The following BBS9 variants were observed in gnomAD, a reference collection of about 807,000 sequenced individuals.
BBS9 encodes protein PTHB1.
Under a neutral mutation model 117.7 loss-of-function variants are expected in BBS9, and 89 were observed. The observed-to-expected ratio is 0.76, with a 90% confidence interval of 0.64 to 0.90. The LOEUF is 0.90. BBS9 is among the 40% of genes least tolerant of loss of function. BBS9 has a pLI of 0.00. For synonymous variants in BBS9, 379 were observed against 370.9 expected (o/e 1.02, Z -0.25); for missense variants, 982 against 1,042.2 (o/e 0.94, Z 0.80).
At chr7:33,293,696 A>G (rs962472894) in intron 9 of BBS9, among the ~76,000 whole-genome samples, 5 of 152,154 alleles carry the variant, frequency 3.3e-5, no homozygotes, top group African/African-American at 1.2e-4. Flanking sequence ...TTTAGTCAAT[A>G]TATAGAACCT....
rs1039084987 is a variant in BBS9, at chr7:33,593,592, C to T, written c.2522-11273C>T. 2.6e-5 allele frequency among the ~76,000 whole-genome samples: 4 copies of T among 152,090 alleles called. 1 individual carries two copies. Among genetic ancestry groups the T allele is most frequent in the African/African-American group, 9.7e-5 (4 of 41,430 alleles). On this transcript the variant is annotated intron_variant, in intron 21 of 22. Coordinates refer to ENST00000242067, the MANE Select transcript of BBS9 (RefSeq NM_198428.3). Reference sequence around the variant, plus strand: ...GTTCCTGAGCAGTAATTTTACAGTACCTTCTCACCATATCAGAAGAATTTG... The same window carrying T: ...GTTCCTGAGCAGTAATTTTACAGTATCTTCTCACCATATCAGAAGAATTTG...
intron 21 of BBS9, among the ~76,000 whole-genome samples, chr7:33,539,497 G>T (rs1851940673): frequency 6.6e-6 from 1 of 152,206 alleles, no homozygotes; most frequent in Non-Finnish European, 1.5e-5. Context: ...AAAAGAAAGA[G>T]TGTGTAACAT....
At chr7:33,134,140 T>C (rs1790067239) in intron 1 of BBS9, among the ~76,000 whole-genome samples, 1 of 151,938 alleles carries the variant, frequency 6.6e-6, no homozygotes, top group Non-Finnish European at 1.5e-5. Context: ...AACCCCTGCC[T>C]CCAGGTTCAA....
chr7:33,484,849 T>G (rs1386149275), intron 19 of BBS9, among the ~76,000 whole-genome samples: 1 of 152,168 alleles, frequency 6.6e-6, no homozygotes, highest in Non-Finnish European at 1.5e-5. Flanking sequence ...CATACATATA[T>G]TCATTGCAGC....
chr7:33,531,897 A>G (rs1462230998), intron 20 of BBS9, among the ~76,000 whole-genome samples: 1 of 152,252 alleles, frequency 6.6e-6, no homozygotes, highest in East Asian at 1.9e-4. Context: ...CCACGAGACT[A>G]GACATAAAGA....
chr7:33,584,944 T>C (rs1000208237), intron 21 of BBS9, among the ~76,000 whole-genome samples: 1 of 152,144 alleles, frequency 6.6e-6, no homozygotes, highest in African/African-American at 2.4e-5. Flanking sequence ...GTAATTAAAT[T>C]TTATCCTCTA....
chr7:33,249,034 T>A (rs1044574365), intron 5 of BBS9, among the ~76,000 whole-genome samples: 1 of 152,310 alleles, frequency 6.6e-6, no homozygotes, highest in South Asian at 2.1e-4. Context: ...TGTAGCATGC[T>A]GAGTAATGGT....
intron 9 of BBS9, among the ~76,000 whole-genome samples, chr7:33,308,352 G>T (rs1197324496): frequency 1.3e-5 from 2 of 152,186 alleles, no homozygotes; most frequent in East Asian, 3.8e-4. Context: ...CCCAAAGGGT[G>T]TGAAAGCAAA....
At chr7:33,363,496 AT>A (rs1167377269) in intron 16 of BBS9, among the ~76,000 whole-genome samples, 9 of 152,034 alleles carry the variant, frequency 5.9e-5, no homozygotes, top group Non-Finnish European at 1.3e-4. Context: ...AATCAGTCAG[AT>A]TTTCTACATA....
chr7:33,515,716 A>G (rs1332799742), intron 20 of BBS9, among the ~76,000 whole-genome samples: 3 of 152,226 alleles, frequency 2.0e-5, no homozygotes, highest in Admixed American at 1.3e-4. Context: ...TGACCTTGAC[A>G]TAGGTTAGTG....
At chr7:33,174,107 G>C (rs549553629) in intron 4 of BBS9, among the ~76,000 whole-genome samples, 5 of 152,124 alleles carry the variant, frequency 3.3e-5, no homozygotes, top group African/African-American at 1.2e-4. Flanking sequence ...CCTAGACCCA[G>C]TCCAGTTTCT....
chr7:33,294,666 A>G (rs1339987657), intron 9 of BBS9, among the ~76,000 whole-genome samples: 2 of 152,148 alleles, frequency 1.3e-5, no homozygotes, highest in Non-Finnish European at 1.5e-5. Flanking sequence ...AGAAGCTTTT[A>G]TGCAATCATA....
Position 33,264,392 on chromosome 7 carries a change from T to C in BBS9, c.702+18T>C, listed in dbSNP as rs1294147244. 2 of 1,476,900 alleles carry C rather than the reference T, an allele frequency of 1.4e-6. No homozygotes were observed. Among genetic ancestry groups the C allele is most frequent in the Admixed American group, 3.5e-5 (2 of 57,442 alleles). 91.5% of individuals were successfully genotyped at this position (1,476,900 alleles called of 1,614,324 possible). A position where few individuals can be genotyped will look rare whatever the true frequency, so the allele number is the denominator to read the frequency against. On this transcript the variant is annotated intron_variant, in intron 7 of 22. Transcript: ENST00000242067. The stretch of plus-strand genomic sequence containing the variant: ...GACTAGTTGTAAGGCCTTTTTTTAA[T>C]ATATAAAAATTTCAATAATGCTATA...
intron 19 of BBS9, among the ~76,000 whole-genome samples, chr7:33,473,629 T>A (rs776608615): frequency 1.3e-5 from 2 of 152,204 alleles, no homozygotes; most frequent in African/African-American, 2.4e-5. Flanking sequence ...TCAGCCAACA[T>A]TTTAATAAAT....
chr7:33,435,853 T>C (rs1463826563), intron 19 of BBS9, among the ~76,000 whole-genome samples: 1 of 152,186 alleles, frequency 6.6e-6, no homozygotes, highest in Admixed American at 6.5e-5. Context: ...GTGAAAACTT[T>C]TGTGTTCATT....
At chr7:33,182,930 A>G (rs911479248) in intron 5 of BBS9, among the ~76,000 whole-genome samples, 1 of 152,108 alleles carries the variant, frequency 6.6e-6, no homozygotes, top group East Asian at 1.9e-4. Context: ...CCCATTTCCC[A>G]TGGGAGTCTT....
At chr7:33,311,692 C>T (rs906338454) in intron 9 of BBS9, among the ~76,000 whole-genome samples, 13 of 152,128 alleles carry the variant, frequency 8.5e-5, no homozygotes, top group Non-Finnish European at 4.4e-5. Flanking sequence ...TGGCATGTGC[C>T]TGTAATCCCA....
intron 20 of BBS9, among the ~76,000 whole-genome samples, chr7:33,505,890 C>T (rs950057419): frequency 1.3e-5 from 2 of 152,152 alleles, no homozygotes; most frequent in African/African-American, 4.8e-5. Flanking sequence ...TTTATGTGTT[C>T]TTCAATCACT....
At chr7:33,384,713 T>TGA (rs1194021283) in intron 18 of BBS9, among the ~76,000 whole-genome samples, 6 of 136,306 alleles carry the variant, frequency 4.4e-5, no homozygotes, top group East Asian at 3.9e-4. Flanking sequence ...TGTGTGTGTG[T>TGA]GTGAGAGAGA....
Sources: gnomAD v4.1 joint callset for allele counts (sites outside exome capture counted in the v4.1 genomes callset) on GRCh38, gnomAD v4.1.1 for gene constraint, MANE v1.5 for transcripts, NCBI Gene and HGNC (gene_info 2026-07-23, HGNC 2026-07-21) for gene names.